Variants in NIPSNAP3B observed in about 807,000 individuals in gnomAD.
NIPSNAP3B encodes protein NipSnap homolog 3B.
A neutral mutation model predicts 31.5 loss-of-function variants in NIPSNAP3B; 30 were observed. The observed-to-expected ratio is 0.95, with a 90% CI of 0.71 to 1.29. The LOEUF (loss-of-function observed/expected upper bound fraction) is 1.29, where lower values mean the gene tolerates loss of function less well. Among genes scored for constraint, NIPSNAP3B ranks in the 50% most tolerant of loss-of-function variants. NIPSNAP3B has a pLI of 0.00. For missense variants in NIPSNAP3B, 269 were observed against 300.7 expected (o/e 0.89, Z 0.78); for synonymous variants, 106 against 107.9 (o/e 0.98, Z 0.11).
At chr9:104,779,104 C>G (rs973858472), downstream of NIPSNAP3B, among the ~76,000 whole-genome samples, 2 of 152,146 alleles carry the variant, frequency 1.3e-5, no homozygotes, top group Non-Finnish European at 2.9e-5. Context: ...TCGCACCCAC[C>G]TTGAAAGGCT....
the NIPSNAP3B span, among the ~76,000 whole-genome samples, chr9:104,789,144 G>A: frequency 2.6e-3 from 391 of 152,302 alleles, 3 homozygotes; most frequent in African/African-American, 8.9e-3. Context: ...TTGGCCTTCT[G>A]GCAGCATTCA....
chr9:104,779,217 T>C (rs1053951494), downstream of NIPSNAP3B, among the ~76,000 whole-genome samples: 4 of 152,194 alleles, frequency 2.6e-5, no homozygotes, highest in Admixed American at 2.6e-4. Context: ...ATTTTCTTCT[T>C]AGCACCCATT....
chr9:104,767,439 G>C lies in NIPSNAP3B; in HGVS notation c.271+904G>C, dbSNP rs139634443. 3.1e-4 allele frequency among the ~76,000 whole-genome samples: 47 copies of C among 152,232 alleles called. No homozygotes were observed. The East Asian group carries it at 7.7e-3, about 25-fold the overall frequency. ...TTCTTAACAGTCCACATCAGGACTT[G>C]AGGATACCTAAAGAACTTTTAATAA... On this transcript the variant is annotated intron_variant, in intron 2 of 5. Transcript: ENST00000374762.
chr9:104,767,880 C>T (rs1467233339), intron 2 of NIPSNAP3B, among the ~76,000 whole-genome samples: 1 of 151,952 alleles, frequency 6.6e-6, no homozygotes, highest in East Asian at 1.9e-4. Flanking sequence ...TATAGTTGTC[C>T]CTCTGTATTT....
the NIPSNAP3B span, among the ~76,000 whole-genome samples, chr9:104,790,052 C>T: frequency 2.0e-5 from 3 of 151,344 alleles, no homozygotes; most frequent in Non-Finnish European, 1.5e-5. Flanking sequence ...GCCAAGGTCG[C>T]GCCATTGCTC....
chr9:104,769,439 G>A (rs1828162665), intron 3 of NIPSNAP3B, among the ~76,000 whole-genome samples: 1 of 124,434 alleles, frequency 8.0e-6, no homozygotes, highest in Non-Finnish European at 1.6e-5. Flanking sequence ...GGGCGACAGA[G>A]CGAGACTCCG....
chr9:104,788,428 T>C, the NIPSNAP3B span: 2 of 1,614,140 alleles, frequency 1.2e-6, no homozygotes, highest in Non-Finnish European at 8.5e-7. Flanking sequence ...CACAGTACCT[T>C]GCCAACTTCT....
chr9:104,785,981 C>T, the NIPSNAP3B span, among the ~76,000 whole-genome samples: 767 of 152,236 alleles, frequency 5.0e-3, 8 homozygotes, highest in African/African-American at 0.018. Flanking sequence ...GTGTTTGACT[C>T]CAAAGCTTGC....
At chr9:104,786,743 A>G in the NIPSNAP3B span, 1 of 875,384 alleles carries the variant, frequency 1.1e-6, no homozygotes. Context: ...GAATATGCAT[A>G]TATAATTTCA....
At chr9:104,772,964 A>G (rs778056091) in intron 5 of NIPSNAP3B, 33 bp from the exon 6 acceptor site, 2 of 1,614,038 alleles carry the variant, frequency 1.2e-6, no homozygotes, top group South Asian at 1.1e-5. Flanking sequence ...TTCAACCAAT[A>G]ACTGTATGCC....
At chr9:104,783,733 G>A in the NIPSNAP3B span, 1 of 153,900 alleles carries the variant, frequency 6.5e-6, no homozygotes, top group Non-Finnish European at 1.4e-5. Context: ...GATATTCAAT[G>A]TTGATAGACT....
chr9:104,786,201 T>C, the NIPSNAP3B span: 1 of 1,051,210 alleles, frequency 9.5e-7, no homozygotes, highest in Non-Finnish European at 1.5e-6. Context: ...CTCAGTTTTA[T>C]TTCCCTTTAT....
At chr9:104,785,671 A>G in the NIPSNAP3B span, 12 of 1,612,870 alleles carry the variant, frequency 7.4e-6, no homozygotes, top group Admixed American at 2.0e-4. Context: ...CAAATGGAGG[A>G]TCTCCAGAAA....
intron 2 of NIPSNAP3B, among the ~76,000 whole-genome samples, chr9:104,767,265 T>G (rs1828109245): frequency 6.6e-6 from 1 of 152,080 alleles, no homozygotes; most frequent in Admixed American, 6.5e-5. Flanking sequence ...CCCCAGAGTT[T>G]CAAGGAATTC....
downstream of NIPSNAP3B, chr9:104,782,270 T>C (rs996617630): frequency 6.6e-6 from 1 of 152,164 alleles, no homozygotes; most frequent in Non-Finnish European, 1.5e-5. Flanking sequence ...TCATTACTTA[T>C]ATTTAAAATC....
At chr9:104,767,195 C>A (rs1321672526) in intron 2 of NIPSNAP3B, among the ~76,000 whole-genome samples, 1 of 152,038 alleles carries the variant, frequency 6.6e-6, no homozygotes, top group Non-Finnish European at 1.5e-5. Context: ...AAGCGTCACC[C>A]AACTCTGAGA....
At position 104,774,632 on chromosome 9, in the gene NIPSNAP3B, A is replaced by C. The variant is rs1008751733; in HGVS notation, c.*1559A>C. ...CATTTTTATCTTTTTTAATGGGTAC[A>C]CTCTACGTTACCTTAAAGGCTTCCC... On this transcript the variant is annotated 3_prime_UTR_variant, in exon 6 of 6. Coordinates refer to ENST00000374762, the MANE Select transcript of NIPSNAP3B (RefSeq NM_018376.4). Among the ~76,000 whole-genome samples, 4 of 152,086 alleles carry C rather than the reference A, an allele frequency of 2.6e-5. No individual in the cohort carries two copies. Among genetic ancestry groups the C allele is most frequent in the African/African-American group, 7.2e-5 (3 of 41,418 alleles).
the NIPSNAP3B span, among the ~76,000 whole-genome samples, chr9:104,785,010 G>A: frequency 6.6e-6 from 1 of 151,818 alleles, no homozygotes; most frequent in African/African-American, 2.4e-5. Context: ...CATTTACTTT[G>A]GCACATACGG....
chr9:104,772,508 C>T (rs1241187047), intron 4 of NIPSNAP3B, among the ~76,000 whole-genome samples: 2 of 152,068 alleles, frequency 1.3e-5, no homozygotes, highest in African/African-American at 4.8e-5. Flanking sequence ...AAATTTTCTA[C>T]AGTAAACAAT....
Sources: allele counts gnomAD v4.1 joint callset (sites outside exome capture counted in the v4.1 genomes callset), GRCh38; gene constraint gnomAD v4.1.1; transcripts MANE v1.5; gene names NCBI Gene and HGNC (gene_info 2026-07-23, HGNC 2026-07-21).